The following DPYD variants were observed in gnomAD, a reference collection of about 807,000 sequenced individuals.
The protein encoded by DPYD is dihydropyrimidine dehydrogenase [NADP(+)].
In DPYD, 109 loss-of-function variants were observed where a neutral mutation model predicts 116.2. That is an observed-to-expected ratio of 0.94 (90% CI 0.80 to 1.10). DPYD has a LOEUF of 1.10. Among genes scored for constraint, DPYD ranks in the 50% least tolerant of loss-of-function variants. DPYD has a pLI of 0.00. For missense variants in DPYD, 1,302 were observed against 1,254.5 expected, an observed-to-expected ratio of 1.04 and a Z score of -0.57; for synonymous variants, 440 against 432.0, an observed-to-expected ratio of 1.02 and a Z score of -0.23.
intron 14 of DPYD, among the ~76,000 whole-genome samples, chr1:97,390,380 T>C (rs947422511): frequency 6.6e-6 from 1 of 152,032 alleles, no homozygotes; most frequent in Non-Finnish European, 1.5e-5. Flanking sequence ...CATGAGACAT[T>C]TGATTTTCAA....
chr1:97,738,622 G>A (rs936545110), intron 4 of DPYD, among the ~76,000 whole-genome samples: 5 of 151,906 alleles, frequency 3.3e-5, no homozygotes, highest in African/African-American at 9.7e-5. Context: ...AAAGCTGCAG[G>A]CTTTAAAGAA....
chr1:97,378,350 C>G (rs1671754099), intron 15 of DPYD, among the ~76,000 whole-genome samples: 1 of 152,198 alleles, frequency 6.6e-6, no homozygotes, highest in African/African-American at 2.4e-5. Flanking sequence ...ATTTCTAACT[C>G]TCACAGCTAT....
chr1:97,714,211 C>T (rs1194730821), intron 5 of DPYD, among the ~76,000 whole-genome samples: 2 of 151,780 alleles, frequency 1.3e-5, no homozygotes, highest in Admixed American at 6.6e-5. Context: ...ATAGACCCCC[C>T]CTTTTTATTT....
chr1:97,836,370 C>G (rs1669773152), intron 2 of DPYD, among the ~76,000 whole-genome samples: 1 of 152,078 alleles, frequency 6.6e-6, no homozygotes, highest in African/African-American at 2.4e-5. Context: ...TATTCTTAGT[C>G]TTTGGAAATC....
chr1:97,162,732 A>C (rs1416914953), intron 20 of DPYD, among the ~76,000 whole-genome samples: 1 of 152,234 alleles, frequency 6.6e-6, no homozygotes, highest in African/African-American at 2.4e-5. Flanking sequence ...TTCAAACTAT[A>C]GTACAAGGCT....
chr1:97,822,738 G>A (rs551755207), intron 3 of DPYD, among the ~76,000 whole-genome samples: 1 of 152,146 alleles, frequency 6.6e-6, no homozygotes, highest in Non-Finnish European at 1.5e-5. Context: ...GAGAATGGCT[G>A]TCTCGCTATT....
chr1:97,086,045 GTTGTTTTGTT>G (rs539020913), intron 21 of DPYD, among the ~76,000 whole-genome samples: 11 of 151,836 alleles, frequency 7.2e-5, no homozygotes, highest in African/African-American at 2.4e-4. Flanking sequence ...AAAAGTTGTC[GTTGTTTTGTT>G]TTGTTTTGTT....
At chr1:97,220,548 T>A (rs906361972) in intron 19 of DPYD, among the ~76,000 whole-genome samples, 2 of 152,200 alleles carry the variant, frequency 1.3e-5, no homozygotes, top group African/African-American at 4.8e-5. Context: ...TATCCTTGTA[T>A]CCTTGATGCT....
chr1:97,519,046 T>G (rs1483959485), intron 12 of DPYD, among the ~76,000 whole-genome samples: 1 of 152,140 alleles, frequency 6.6e-6, no homozygotes, highest in Admixed American at 6.6e-5. Flanking sequence ...ATTTTTAAAT[T>G]TTTGCTTATT....
At chr1:97,182,534 G>A (rs1657717284) in intron 20 of DPYD, among the ~76,000 whole-genome samples, 1 of 152,048 alleles carries the variant, frequency 6.6e-6, no homozygotes, top group South Asian at 2.1e-4. Context: ...CATTACCCAA[G>A]TGACTGATAG....
At chr1:97,618,427 G>A (rs1656430314) in intron 8 of DPYD, among the ~76,000 whole-genome samples, 1 of 148,872 alleles carries the variant, frequency 6.7e-6, no homozygotes, top group Admixed American at 6.7e-5. Context: ...ACATGCTGGA[G>A]TGCAGTGGCA....
intron 16 of DPYD, among the ~76,000 whole-genome samples, chr1:97,309,739 T>C (rs534232812): frequency 3.0e-4 from 45 of 151,864 alleles, no homozygotes; most frequent in African/African-American, 1.0e-3. Flanking sequence ...GAAAAGGTAA[T>C]GCTGAGGAAT....
chr1:97,900,687 A>G (rs1213932099), intron 1 of DPYD, among the ~76,000 whole-genome samples: 1 of 151,948 alleles, frequency 6.6e-6, no homozygotes, highest in Non-Finnish European at 1.5e-5. Context: ...TTTAACTGAC[A>G]TAATTTTTTT....
chr1:97,564,951 G>C (rs147747543), intron 11 of DPYD, among the ~76,000 whole-genome samples: 4 of 151,968 alleles, frequency 2.6e-5, no homozygotes, highest in African/African-American at 9.7e-5. Context: ...TCAGGGTGTC[G>C]CATTGTACCT....
At position 97,920,964 on chromosome 1, in the gene DPYD, C is replaced by G. The variant is rs529923798; in HGVS notation, c.-42G>C. 64 of 1,563,042 alleles carry G rather than the reference C, an allele frequency of 4.1e-5. No homozygotes were observed. In the South Asian group the frequency reaches 7.2e-4, roughly 18 times the overall value. ...TCGAGTCTGCCAGTGACAAACCCTC[C>G]TTGCGTCCTCAAGCTCCAGCCAGAG... On this transcript the variant is annotated 5_prime_UTR_variant, in exon 1 of 23. Coordinates refer to ENST00000370192, the MANE Select transcript of DPYD (RefSeq NM_000110.4).
At chr1:97,202,537 C>T (rs535159602) in intron 19 of DPYD, among the ~76,000 whole-genome samples, 21 of 152,132 alleles carry the variant, frequency 1.4e-4, no homozygotes, top group Non-Finnish European at 2.8e-4. Context: ...TTTTGCCAGC[C>T]AGAATATAAT....
chr1:97,713,748 A>G (rs1662429299), intron 5 of DPYD, among the ~76,000 whole-genome samples: 1 of 152,108 alleles, frequency 6.6e-6, no homozygotes, highest in South Asian at 2.1e-4. Flanking sequence ...TTTTTCATCT[A>G]TATCTTACTT....
intron 5 of DPYD, among the ~76,000 whole-genome samples, chr1:97,710,383 A>G: frequency 6.6e-6 from 1 of 151,874 alleles, no homozygotes; most frequent in East Asian, 1.9e-4. Context: ...CACTGCATTC[A>G]TTCTTTGAAA....
intron 16 of DPYD, among the ~76,000 whole-genome samples, chr1:97,362,952 T>C (rs963783860): frequency 4.6e-5 from 7 of 152,066 alleles, no homozygotes; most frequent in African/African-American, 1.7e-4. Flanking sequence ...AATTGACAAA[T>C]GGGATCTAAT....
Sources: allele counts gnomAD v4.1 joint callset (sites outside exome capture counted in the v4.1 genomes callset), GRCh38; gene constraint gnomAD v4.1.1; transcripts MANE v1.5; gene names NCBI Gene and HGNC (gene_info 2026-07-23, HGNC 2026-07-21).